Variants in EPHA6 observed in about 807,000 individuals in gnomAD.
EPHA6 encodes the protein ephrin type-A receptor 6.
A neutral mutation model predicts 112.0 loss-of-function variants in EPHA6; 50 were observed. That is an observed-to-expected ratio of 0.45 (90% CI 0.36 to 0.56). The LOEUF is 0.56. EPHA6 is among the 20% of genes least tolerant of loss of function. EPHA6 has a pLI of 0.00. For synonymous variants in EPHA6, 529 were observed against 490.7 expected (o/e 1.08, Z -1.03); for missense variants, 1,280 against 1,417.4 (o/e 0.90, Z 1.56).
rs573748341 is a variant in EPHA6 at position 97,733,294 on chromosome 3, G to A, written c.2935-2631G>A. 4.6e-5 allele frequency among the ~76,000 whole-genome samples: 7 copies of A among 152,154 alleles called. No homozygotes were observed. In the South Asian group the frequency reaches 1.5e-3, roughly 32 times the overall value. ...GTTTTGGTCAAGTACCTACCTCTTAGAGAAGAGCAAGCTTCCAGTTTCATC... is the reference window on the plus strand; with the variant it reads ...GTTTTGGTCAAGTACCTACCTCTTAAAGAAGAGCAAGCTTCCAGTTTCATC... On this transcript the variant is annotated intron_variant, in intron 15 of 17. Transcript: ENST00000389672.
rs1036667671 is a variant in EPHA6 at position 96,814,891 on chromosome 3, G to A, written c.268G>A (p.Glu90Lys). ...CTTCTCTTTAAGGGAGAGGAAAAGAGAGCCTAGGAGAACCATGGGGGGCTG... is the reference window on the plus strand; with the variant it reads ...CTTCTCTTTAAGGGAGAGGAAAAGAAAGCCTAGGAGAACCATGGGGGGCTG... ...RHFSLRERKR[E>K]PRRTMGGCEV... Residue 90 changes from glutamate to lysine, a missense_variant, in exon 1 of 18, where the codon GAG becomes AAG. By Grantham distance (56) the Glu-to-Lys change is moderately conservative. This residue lies in a region of EPHA6 where 220 missense variants were observed against 171.5 expected (regional missense o/e 1.28). Transcript: ENST00000389672. The A allele has an allele frequency of 2.6e-6, 4 of 1,554,418 alleles. No homozygotes were observed. The South Asian group carries it at 4.7e-5, about 18-fold the overall frequency.
intron 11 of EPHA6, among the ~76,000 whole-genome samples, chr3:97,548,770 T>G (rs2092992073): frequency 6.6e-6 from 1 of 152,252 alleles, no homozygotes; most frequent in Non-Finnish European, 1.5e-5. Context: ...GAAGGACACC[T>G]GGGATGTTTC....
chr3:96,901,350 T>G (rs185822100), intron 2 of EPHA6, among the ~76,000 whole-genome samples: 3 of 152,266 alleles, frequency 2.0e-5, no homozygotes, highest in Admixed American at 2.0e-4. Flanking sequence ...TATACATGTA[T>G]GTATAATATA....
intron 1 of EPHA6, among the ~76,000 whole-genome samples, chr3:96,827,561 C>A (rs1164153909): frequency 6.6e-6 from 1 of 151,978 alleles, no homozygotes; most frequent in Non-Finnish European, 1.5e-5. Flanking sequence ...TGCTAGAAAG[C>A]AATTAAACAG....
chr3:97,193,951 C>CA (rs1315413768), intron 3 of EPHA6, among the ~76,000 whole-genome samples: 3 of 151,926 alleles, frequency 2.0e-5, no homozygotes, highest in African/African-American at 7.2e-5. Context: ...TGGTTGATTT[C>CA]AAAATATTGG....
At chr3:97,614,932 T>C (rs1041558177) in intron 13 of EPHA6, among the ~76,000 whole-genome samples, 3 of 152,118 alleles carry the variant, frequency 2.0e-5, no homozygotes, top group African/African-American at 4.8e-5. Context: ...TTGAGATGTC[T>C]GTGAAACATC....
At chr3:97,328,220 G>T (rs1319925683) in intron 5 of EPHA6, among the ~76,000 whole-genome samples, 4 of 151,616 alleles carry the variant, frequency 2.6e-5, no homozygotes, top group Non-Finnish European at 5.9e-5. Flanking sequence ...TAAATGCTCA[G>T]AAGGAAATTG....
intron 3 of EPHA6, among the ~76,000 whole-genome samples, chr3:97,135,684 C>T (rs2075749353): frequency 6.6e-6 from 1 of 151,272 alleles, no homozygotes; most frequent in Non-Finnish European, 1.5e-5. Flanking sequence ...CCGGTGATGC[C>T]CATACTGCTG....
intron 3 of EPHA6, among the ~76,000 whole-genome samples, chr3:97,161,378 A>G (rs1256709711): frequency 6.6e-6 from 1 of 152,172 alleles, no homozygotes; most frequent in Non-Finnish European, 1.5e-5. Context: ...GGCTCTAAAC[A>G]GCTTCCACTA....
intron 10 of EPHA6, among the ~76,000 whole-genome samples, chr3:97,511,438 T>C (rs1165983340): frequency 6.6e-6 from 1 of 151,994 alleles, no homozygotes; most frequent in Non-Finnish European, 1.5e-5. Context: ...GAGGAGGGGG[T>C]TCCTCGACCC....
At chr3:97,701,389 T>TG (rs1444060285) in intron 14 of EPHA6, among the ~76,000 whole-genome samples, 1 of 152,074 alleles carries the variant, frequency 6.6e-6, no homozygotes, top group African/African-American at 2.4e-5. Flanking sequence ...CAGAGGGTTT[T>TG]GGGGGCAAGG....
At chr3:97,566,336 A>G (rs1265614887) in intron 11 of EPHA6, among the ~76,000 whole-genome samples, 2 of 152,196 alleles carry the variant, frequency 1.3e-5, no homozygotes, top group African/African-American at 4.8e-5. Flanking sequence ...AACATTGGGA[A>G]TCACATTTTG....
intron 17 of EPHA6, 145 bp from the exon 18 acceptor site, chr3:97,748,442 C>A (rs983618879): frequency 1.7e-6 from 1 of 575,242 alleles, no homozygotes. Flanking sequence ...GTAACTGTGG[C>A]AGAGTGCTTA....
rs78382632 is a variant in EPHA6, at chr3:97,038,355, G to A, written c.1114+50362G>A. ...TGTGGTAACCACCAGTCCATTCTCT[G>A]TCTTCGTGAAGTCCAATTTTTACAC... On this transcript the variant is annotated intron_variant, in intron 3 of 17. Coordinates refer to ENST00000389672, the MANE Select transcript of EPHA6 (RefSeq NM_001080448.3). Among the ~76,000 whole-genome samples the A allele has an allele frequency of 3.2e-4, 48 of 151,822 alleles. No homozygotes were observed. The East Asian group carries it at 6.6e-3, about 21-fold the overall frequency.
At chr3:97,154,948 A>C (rs963806952) in intron 3 of EPHA6, among the ~76,000 whole-genome samples, 2 of 152,204 alleles carry the variant, frequency 1.3e-5, no homozygotes, top group Non-Finnish European at 2.9e-5. Flanking sequence ...GGTTATGTAA[A>C]GAAACCAACC....
At chr3:97,220,053 G>C (rs1283459764) in intron 3 of EPHA6, among the ~76,000 whole-genome samples, 3 of 152,154 alleles carry the variant, frequency 2.0e-5, no homozygotes, top group Non-Finnish European at 4.4e-5. Context: ...AATGCTACCA[G>C]TCTCTTTGCT....
At chr3:97,345,621 A>G (rs2083495886) in intron 5 of EPHA6, among the ~76,000 whole-genome samples, 2 of 146,378 alleles carry the variant, frequency 1.4e-5, no homozygotes, top group South Asian at 2.1e-4. Context: ...ACATTTCAAT[A>G]TCCCTGTGAA....
At chr3:97,703,452 G>C (rs1317444002) in intron 14 of EPHA6, among the ~76,000 whole-genome samples, 1 of 152,132 alleles carries the variant, frequency 6.6e-6, no homozygotes, top group Non-Finnish European at 1.5e-5. Flanking sequence ...TTGTTTACCA[G>C]AAAAGTATAA....
chr3:96,907,209 CAAGT>C (rs2038980807), intron 2 of EPHA6, among the ~76,000 whole-genome samples: 1 of 151,774 alleles, frequency 6.6e-6, no homozygotes, highest in Non-Finnish European at 1.5e-5. Context: ...TACTTAAACA[CAAGT>C]AAATTATTTC....
Sources: allele counts gnomAD v4.1 joint callset (sites outside exome capture counted in the v4.1 genomes callset), GRCh38; gene constraint gnomAD v4.1.1; regional missense constraint gnomAD v4.1.1; transcripts MANE v1.5; gene names NCBI Gene and HGNC (gene_info 2026-07-23, HGNC 2026-07-21).